STK3: variants seen among roughly 807,000 people sequenced by gnomAD.
STK3 encodes serine/threonine kinase 3.
In STK3, 41 loss-of-function variants were observed where a neutral mutation model predicts 58.0. The ratio of observed to expected loss-of-function variants is 0.71; its 90% confidence interval spans 0.55 to 0.92. STK3 has a LOEUF of 0.92. STK3 is among the 40% of genes least tolerant of loss of function. STK3 has a pLI of 0.00. For missense variants in STK3, 479 were observed against 602.7 expected (o/e 0.79, Z 2.15); for synonymous variants, 170 against 191.0 (o/e 0.89, Z 0.91).
intron 1 of STK3, among the ~76,000 whole-genome samples, chr8:98,885,450 T>G (rs1010312229): frequency 1.3e-5 from 2 of 152,218 alleles, no homozygotes; most frequent in African/African-American, 4.8e-5. Context: ...TGTGTTTTGT[T>G]TTGTTTGAGA....
chr8:98,420,724 G>A (rs2131054712), intron 3 of STK3, among the ~76,000 whole-genome samples: 1 of 152,272 alleles, frequency 6.6e-6, no homozygotes, highest in Middle Eastern at 3.4e-3. Flanking sequence ...ATTAAATGAG[G>A]TAATAATAGT....
chr8:98,929,657 T>A (rs1490375307), intron 1 of STK3, among the ~76,000 whole-genome samples: 1 of 152,140 alleles, frequency 6.6e-6, no homozygotes, highest in African/African-American at 2.4e-5. Flanking sequence ...CATAAATAAA[T>A]AAATAAATAA....
intron 3 of STK3, among the ~76,000 whole-genome samples, chr8:98,875,984 G>T (rs941390331): frequency 6.6e-6 from 1 of 152,180 alleles, no homozygotes; most frequent in Non-Finnish European, 1.5e-5. Context: ...TCTGTTCAAA[G>T]GCAAAGGACC....
intron 3 of STK3, among the ~76,000 whole-genome samples, chr8:98,755,874 G>A (rs964207577): frequency 3.9e-5 from 6 of 152,174 alleles, no homozygotes; most frequent in African/African-American, 1.4e-4. Context: ...GGGCACGGTG[G>A]CTCATGCCTG....
chr8:98,941,239 A>G (rs754011130), intron 1 of STK3, among the ~76,000 whole-genome samples: 1 of 152,258 alleles, frequency 6.6e-6, no homozygotes. Context: ...TAAAATTCTT[A>G]GCCTTTTGCC....
chr8:98,774,764 C>G lies in STK3; in HGVS notation c.82G>C (p.Asp28His). 1.9e-6 allele frequency: 3 copies of G among 1,587,934 alleles called. No individual in the cohort carries two copies. Among genetic ancestry groups the G allele is most frequent in the Non-Finnish European group, 2.6e-6 (3 of 1,169,202 alleles). Reference protein sequence around the residue: ...SLTKQPEEVFDVLEKLGEGSY... With the variant: ...SLTKQPEEVFHVLEKLGEGSY... ...CCTTCTCCAAGCTTCTCTAATACAT[C>G]AAAAACTTCTTCAGGCTGCTTAGTC... Residue 28 changes from aspartate to histidine, a missense_variant, in exon 2 of 11, where the codon GAT becomes CAT. Asp to His is a moderately conservative substitution (Grantham distance 81). Coordinates refer to ENST00000419617, the MANE Select transcript of STK3 (RefSeq NM_006281.4).
At chr8:98,357,454 C>T in the STK3 span, among the ~76,000 whole-genome samples, 12 of 152,308 alleles carry the variant, frequency 7.9e-5, no homozygotes, top group East Asian at 7.7e-4. Flanking sequence ...CCCAGAAGCA[C>T]GGGATTCATA....
chr8:98,797,485 T>C (rs1340032559), intron 1 of STK3, among the ~76,000 whole-genome samples: 3 of 152,172 alleles, frequency 2.0e-5, no homozygotes, highest in Non-Finnish European at 2.9e-5. Context: ...GCCTTTCTGG[T>C]ATGTCATTAC....
intron 1 of STK3, among the ~76,000 whole-genome samples, chr8:98,806,310 T>C (rs1833881585): frequency 6.6e-6 from 1 of 152,070 alleles, no homozygotes; most frequent in South Asian, 2.1e-4. Flanking sequence ...AAAAAAAATA[T>C]ATCTTCCTAT....
rs769870666 is a variant in STK3 at position 98,457,886 on chromosome 8, T to C, written c.1318-1886A>G. Among the ~76,000 whole-genome samples, 7 of 152,292 alleles carry C rather than the reference T, an allele frequency of 4.6e-5. No individual in the cohort carries two copies. The South Asian group carries it at 6.2e-4, about 14-fold the overall frequency. On this transcript the variant is annotated intron_variant, in intron 10 of 10. Coordinates refer to ENST00000419617, the MANE Select transcript of STK3 (RefSeq NM_006281.4). ...GTTTATAAATATTGTATTGCAGTAATAGACTGAACTCAGAAAAAGAAGCTA... is the reference window on the plus strand; with the variant it reads ...GTTTATAAATATTGTATTGCAGTAACAGACTGAACTCAGAAAAAGAAGCTA...
At chr8:98,837,727 A>G (rs993318173) in intron 3 of STK3, among the ~76,000 whole-genome samples, 1 of 152,210 alleles carries the variant, frequency 6.6e-6, no homozygotes, top group Non-Finnish European at 1.5e-5. Context: ...CAGGAGTTCA[A>G]GACTAGCCTG....
chr8:98,633,096 T>C (rs925920027), intron 6 of STK3, among the ~76,000 whole-genome samples: 2 of 152,138 alleles, frequency 1.3e-5, no homozygotes, highest in Non-Finnish European at 2.9e-5. Flanking sequence ...CAGAAGATGA[T>C]AACTTGTATG....
downstream of STK3, among the ~76,000 whole-genome samples, chr8:98,449,641 A>T (rs1456280914): frequency 6.6e-6 from 1 of 152,106 alleles, no homozygotes; most frequent in Non-Finnish European, 1.5e-5. Flanking sequence ...CTTAAAGAGG[A>T]GGGGGAAAGT....
intron 4 of STK3, among the ~76,000 whole-genome samples, chr8:98,730,914 C>T (rs1789582618): frequency 6.6e-6 from 1 of 152,170 alleles, no homozygotes; most frequent in Admixed American, 6.5e-5. Flanking sequence ...TTTAAATATG[C>T]TTCTATTAAT....
At chr8:98,661,562 A>G (rs559145958) in intron 6 of STK3, among the ~76,000 whole-genome samples, 2 of 152,168 alleles carry the variant, frequency 1.3e-5, no homozygotes, top group African/African-American at 4.8e-5. Context: ...ACATAACAAC[A>G]ACAACAAAAA....
At chr8:98,700,123 T>C (rs1281967766) in intron 6 of STK3, among the ~76,000 whole-genome samples, 1 of 152,222 alleles carries the variant, frequency 6.6e-6, no homozygotes, top group Non-Finnish European at 1.5e-5. Context: ...CTCAGACTGC[T>C]GTCCTAGCAA....
At chr8:98,497,846 GA>G (rs1374999556) in intron 10 of STK3, among the ~76,000 whole-genome samples, 2 of 152,134 alleles carry the variant, frequency 1.3e-5, no homozygotes, top group East Asian at 3.8e-4. Flanking sequence ...CTGCTGACAG[GA>G]ATGTAAAATG....
chr8:98,410,030 A>G lies in STK3; in HGVS notation n.484-8517T>C, dbSNP rs575597648. ...ATTTTCTCTGCACTTGTGTTTCCTA[A>G]GTTTTTCCACATTATTTCTAATTTG... On this transcript the variant is annotated intron_variant and non_coding_transcript_variant, in intron 3 of 3. Coordinates refer to the STK3 transcript ENST00000517832. Among the ~76,000 whole-genome samples the G allele has an allele frequency of 3.6e-4, 55 of 152,302 alleles. No homozygotes were observed. The Middle Eastern group carries it at 0.01, about 28-fold the overall frequency.
At chr8:98,498,946 G>T (rs1351492455) in intron 10 of STK3, among the ~76,000 whole-genome samples, 1 of 152,158 alleles carries the variant, frequency 6.6e-6, no homozygotes, top group Non-Finnish European at 1.5e-5. Flanking sequence ...ATATGGCAAA[G>T]ACTTTGCAAA....
Sources: allele counts gnomAD v4.1 joint callset (sites outside exome capture counted in the v4.1 genomes callset), GRCh38; gene constraint gnomAD v4.1.1; transcripts MANE v1.5; gene names NCBI Gene and HGNC (gene_info 2026-07-23, HGNC 2026-07-21).